GRIA1: variants seen among roughly 807,000 people sequenced by gnomAD.
The protein encoded by GRIA1 is glutamate ionotropic receptor AMPA type subunit 1.
GRIA1 carries 31 observed loss-of-function variants against 99.2 expected under a neutral mutation model. That is an observed-to-expected ratio of 0.31 (90% CI 0.23 to 0.42). The LOEUF (loss-of-function observed/expected upper bound fraction) is 0.42. Among genes scored for constraint, GRIA1 ranks in the 10% least tolerant of loss-of-function variants. The pLI, the probability that GRIA1 is intolerant of heterozygous loss-of-function variation, is 1.00. For missense variants in GRIA1, 782 were observed against 1,157.5 expected, an observed-to-expected ratio of 0.68 and a Z score of 4.71; for synonymous variants, 438 against 432.4, an observed-to-expected ratio of 1.01 and a Z score of -0.16.
intron 11 of GRIA1, among the ~76,000 whole-genome samples, chr5:153,762,622 G>A (rs928230302): frequency 2.0e-5 from 3 of 152,146 alleles, no homozygotes; most frequent in South Asian, 2.1e-4. Flanking sequence ...ATGGAAAAGT[G>A]TAAAAGGAAG....
At chr5:153,798,715 T>G (rs1355809561) in intron 14 of GRIA1, among the ~76,000 whole-genome samples, 1 of 152,166 alleles carries the variant, frequency 6.6e-6, no homozygotes, top group African/African-American at 2.4e-5. Context: ...AAAGAAAGTT[T>G]CAAGTCTCTC....
intron 13 of GRIA1, among the ~76,000 whole-genome samples, chr5:153,789,442 TTCCAAGTCATTTTA>T (rs1765167292): frequency 6.6e-6 from 1 of 151,918 alleles, no homozygotes; most frequent in South Asian, 2.1e-4. Flanking sequence ...CTAAAACAAT[TTCCAAGTCATTTTA>T]TCTAGACATT....
At chr5:153,743,085 G>A (rs1418319001) in intron 11 of GRIA1, among the ~76,000 whole-genome samples, 1 of 152,184 alleles carries the variant, frequency 6.6e-6, no homozygotes, top group Non-Finnish European at 1.5e-5. Flanking sequence ...CAAGCAGCCT[G>A]AAAGTGAGCC....
At chr5:153,598,806 TTTTTCTCA>T in intron 2 of GRIA1, among the ~76,000 whole-genome samples, 1 of 21,488 alleles carries the variant, frequency 4.7e-5, no homozygotes, top group East Asian at 0.031. Flanking sequence ...CGGCAGCTTT[TTTTTCTCA>T]CTAACATTCA....
intron 11 of GRIA1, among the ~76,000 whole-genome samples, chr5:153,714,077 C>A (rs1455734100): frequency 6.6e-6 from 1 of 152,168 alleles, no homozygotes; most frequent in African/African-American, 2.4e-5. Flanking sequence ...GCCAAAATCA[C>A]ACAGATAATT....
rs181300136 is a variant in GRIA1, at chr5:153,642,993, A to T, written c.221-3935A>T. ...GTTCAGGAAAGTGAGATATGGGCTGAGGCACAACTCCTGCAGAGTAGTGAT... is the reference window on the plus strand; with the variant it reads ...GTTCAGGAAAGTGAGATATGGGCTGTGGCACAACTCCTGCAGAGTAGTGAT... On this transcript the variant is annotated intron_variant, in intron 2 of 15. Transcript: ENST00000285900. 2.5e-3 allele frequency among the ~76,000 whole-genome samples: 385 copies of T among 152,288 alleles called. 3 individuals are homozygous for T. The highest frequency in any genetic ancestry group is 4.5e-3 in the Non-Finnish European group (308 of 68,040).
chr5:153,777,856 A>G (rs917185838), intron 13 of GRIA1, among the ~76,000 whole-genome samples: 5 of 152,302 alleles, frequency 3.3e-5, no homozygotes, highest in Middle Eastern at 6.8e-3. Context: ...ACTGGTGCAG[A>G]GCCTGCTGCT....
chr5:153,690,987 A>G (rs1399561104), intron 8 of GRIA1, among the ~76,000 whole-genome samples: 2 of 152,238 alleles, frequency 1.3e-5, no homozygotes, highest in Non-Finnish European at 2.9e-5. Flanking sequence ...TATAGTAAAA[A>G]GGAGCTGTTT....
rs182204862 is a variant in GRIA1, at chr5:153,771,446, C to A, written c.2270+1031C>A. On this transcript the variant is annotated intron_variant, in intron 13 of 15. Coordinates refer to ENST00000285900, the MANE Select transcript of GRIA1 (RefSeq NM_000827.4). ...CATTTATCTTAATAATACTAAGCCC[C>A]AACATTGTTCTGGGGACTGGGCTAG... 8.9e-4 allele frequency among the ~76,000 whole-genome samples: 136 copies of A among 152,296 alleles called. 2 individuals are homozygous for A. The highest frequency in any genetic ancestry group is 3.1e-3 in the Admixed American group (47 of 15,298).
At chr5:153,531,955 C>T (rs1297763319) in intron 2 of GRIA1, among the ~76,000 whole-genome samples, 1 of 152,142 alleles carries the variant, frequency 6.6e-6, no homozygotes, top group African/African-American at 2.4e-5. Flanking sequence ...CACTTGAAAA[C>T]CCATACTTCC....
At chr5:153,544,808 G>C (rs949249427) in intron 2 of GRIA1, among the ~76,000 whole-genome samples, 1 of 152,158 alleles carries the variant, frequency 6.6e-6, no homozygotes, top group African/African-American at 2.4e-5. Flanking sequence ...AGTGTGGCCA[G>C]TATTATGATA....
At chr5:153,730,473 C>T (rs895655542) in intron 11 of GRIA1, among the ~76,000 whole-genome samples, 2 of 151,908 alleles carry the variant, frequency 1.3e-5, no homozygotes, top group East Asian at 1.9e-4. Context: ...TTTAACAGTA[C>T]GTGCAAAAAT....
At position 153,666,395 on chromosome 5, in the gene GRIA1, C is replaced by G. The variant is rs1218616617; in HGVS notation, c.700-8105C>G. Among the ~76,000 whole-genome samples the G allele has an allele frequency of 2.6e-5, 4 of 152,238 alleles. No individual in the cohort carries two copies. The East Asian group carries it at 7.7e-4, about 29-fold the overall frequency. The stretch of plus-strand genomic sequence containing the variant: ...ATAAAGTGCTGTGTGGTTCACATTT[C>G]AAGTACCAGCACACATTAAAGGAGC... On this transcript the variant is annotated intron_variant, in intron 5 of 15. Coordinates refer to ENST00000285900, the MANE Select transcript of GRIA1 (RefSeq NM_000827.4).
At chr5:153,797,680 A>ATGCAATTTTGTTTTGAGTCAGGATGTTC (rs1765733504) in intron 14 of GRIA1, among the ~76,000 whole-genome samples, 1 of 152,150 alleles carries the variant, frequency 6.6e-6, no homozygotes, top group Non-Finnish European at 1.5e-5. Context: ...CATCTCCTCA[A>ATGCAATTTTGTTTTGAGTCAGGATGTTC]TGCAATTTTG....
At chr5:153,600,010 CA>C (rs761966908) in intron 2 of GRIA1, among the ~76,000 whole-genome samples, 12 of 152,018 alleles carry the variant, frequency 7.9e-5, no homozygotes, top group Non-Finnish European at 1.2e-4. Context: ...ATAAGGTGGA[CA>C]CGGAGGCACT....
intron 2 of GRIA1, among the ~76,000 whole-genome samples, chr5:153,498,900 G>A (rs1754696661): frequency 6.6e-6 from 1 of 152,108 alleles, no homozygotes; most frequent in Admixed American, 6.5e-5. Flanking sequence ...TATGTTGTTT[G>A]GGCAGGCCTG....
chr5:153,595,713 T>A (rs906510164), intron 2 of GRIA1, among the ~76,000 whole-genome samples: 4 of 148,924 alleles, frequency 2.7e-5, no homozygotes, highest in African/African-American at 7.3e-5. Flanking sequence ...AACCTTTATC[T>A]AAAAAGCAAG....
At chr5:153,635,996 A>C (rs115739747) in intron 2 of GRIA1, among the ~76,000 whole-genome samples, 1 of 152,180 alleles carries the variant, frequency 6.6e-6, no homozygotes, top group Admixed American at 6.5e-5. Flanking sequence ...TGAGCTTCAC[A>C]GTCCCATTGA....
intron 11 of GRIA1, among the ~76,000 whole-genome samples, chr5:153,730,474 G>T (rs540887414): frequency 6.6e-6 from 1 of 152,004 alleles, no homozygotes; most frequent in Admixed American, 6.6e-5. Flanking sequence ...TTAACAGTAC[G>T]TGCAAAAATG....
Sources: allele counts gnomAD v4.1 joint callset (sites outside exome capture counted in the v4.1 genomes callset), GRCh38; gene constraint gnomAD v4.1.1; transcripts MANE v1.5; gene names NCBI Gene and HGNC (gene_info 2026-07-23, HGNC 2026-07-21).